The following RBFOX1 variants were observed in gnomAD, a reference collection of about 807,000 sequenced individuals.
RBFOX1 encodes the protein RNA binding protein fox-1 homolog 1.
A neutral mutation model predicts 57.7 loss-of-function variants in RBFOX1; 8 were observed. The ratio of observed to expected loss-of-function variants is 0.14; its 90% CI spans 0.08 to 0.25. RBFOX1 has a LOEUF of 0.25. Among genes scored for constraint, RBFOX1 ranks in the 10% least tolerant of loss-of-function variants. The pLI is 1.00. For synonymous variants in RBFOX1, 326 were observed against 222.4 expected (o/e 1.47, Z -4.15); for missense variants, 611 against 548.5 (o/e 1.11, Z -1.14).
chr16:5,857,904 A>C (rs1567634260), intron 3 of RBFOX1, among the ~76,000 whole-genome samples: 1 of 152,076 alleles, frequency 6.6e-6, no homozygotes, highest in South Asian at 2.1e-4. Flanking sequence ...CTGTGTTTGC[A>C]CTGCCGTACT....
chr16:5,767,902 C>G (rs561353366), intron 3 of RBFOX1, among the ~76,000 whole-genome samples: 1 of 152,096 alleles, frequency 6.6e-6, no homozygotes, highest in East Asian at 1.9e-4. Context: ...GTCTCATGAC[C>G]ATACTCTTCA....
At chr16:6,563,835 AAT>A (rs541520395) in intron 2 of RBFOX1, among the ~76,000 whole-genome samples, 2 of 151,204 alleles carry the variant, frequency 1.3e-5, no homozygotes, top group Non-Finnish European at 2.9e-5. Context: ...CCAAAAAAAA[AAT>A]ATATATATAT....
At chr16:6,291,216 T>TATCTC (rs2077436220) in intron 1 of RBFOX1, among the ~76,000 whole-genome samples, 1 of 152,128 alleles carries the variant, frequency 6.6e-6, no homozygotes, top group Non-Finnish European at 1.5e-5. Flanking sequence ...GCCAACCTCT[T>TATCTC]ATCTCAGCCT....
At chr16:6,011,692 A>G (rs2094962191) in intron 4 of RBFOX1, among the ~76,000 whole-genome samples, 1 of 152,172 alleles carries the variant, frequency 6.6e-6, no homozygotes, top group African/African-American at 2.4e-5. Flanking sequence ...CAGCAGCAGT[A>G]TGAAGCTTGC....
chr16:6,724,400 G>C (rs1005493193), intron 3 of RBFOX1, among the ~76,000 whole-genome samples: 3 of 151,894 alleles, frequency 2.0e-5, no homozygotes, highest in African/African-American at 7.3e-5. Flanking sequence ...AGTAGAGACA[G>C]GTTTCACCAT....
chr16:6,729,791 C>T (rs1413239325), intron 3 of RBFOX1, among the ~76,000 whole-genome samples: 1 of 152,058 alleles, frequency 6.6e-6, no homozygotes. Context: ...GAGTTTGTTT[C>T]TAGCATGTGC....
chr16:6,960,427 C>T (rs2082717728), intron 3 of RBFOX1, among the ~76,000 whole-genome samples: 1 of 152,130 alleles, frequency 6.6e-6, no homozygotes, highest in Non-Finnish European at 1.5e-5. Flanking sequence ...TCTCCCTGTA[C>T]CCGGTTACAG....
intron 4 of RBFOX1, among the ~76,000 whole-genome samples, chr16:7,136,787 A>G (rs2072132414): frequency 1.3e-5 from 2 of 152,180 alleles, no homozygotes; most frequent in Admixed American, 1.3e-4. Context: ...GTTAGTATTA[A>G]CCAGGGCATT....
intron 2 of RBFOX1, among the ~76,000 whole-genome samples, chr16:6,514,829 C>T (rs555476275): frequency 6.6e-6 from 1 of 151,888 alleles, no homozygotes; most frequent in Admixed American, 6.6e-5. Context: ...TGGATCCGCC[C>T]TCCCTTGTAG....
intron 14 of RBFOX1, among the ~76,000 whole-genome samples, chr16:7,681,138 C>G (rs1019883459): frequency 6.6e-6 from 1 of 152,092 alleles, no homozygotes; most frequent in African/African-American, 2.4e-5. Flanking sequence ...TTTTCAGGTT[C>G]ATAGAGGATT....
rs1567592389 is a variant in RBFOX1 at position 6,859,139 on chromosome 16, A to ATATATG, written c.-15-192918_-15-192917insTATATG. 1.3e-4 allele frequency among the ~76,000 whole-genome samples: 13 copies of ATATATG among 101,548 alleles called. 1 individual carries two copies. The highest frequency in any genetic ancestry group is 5.0e-4 in the African/African-American group (11 of 22,182). The allele number at this position is 101,548 out of a possible 152,430, so 66.6% of individuals were successfully genotyped here. A position where few individuals can be genotyped will look rare whatever the true frequency, so the allele number is the denominator to read the frequency against. The stretch of plus-strand genomic sequence containing the variant: ...TATATATATATATATACATATATAT[A>ATATATG]CGTATATATATATGTATATATATAC... On this transcript the variant is annotated intron_variant, in intron 3 of 15. Transcript: ENST00000550418.
chr16:7,004,268 G>T (rs577778671), intron 3 of RBFOX1, among the ~76,000 whole-genome samples: 4 of 151,994 alleles, frequency 2.6e-5, no homozygotes, highest in African/African-American at 9.7e-5. Context: ...TAAGAACAAC[G>T]CATTATATAT....
chr16:7,177,552 G>A (rs912236239), intron 4 of RBFOX1, among the ~76,000 whole-genome samples: 6 of 152,002 alleles, frequency 3.9e-5, no homozygotes, highest in African/African-American at 1.4e-4. Context: ...TCTACCTTGT[G>A]TCTTATTTTC....
chr16:6,799,640 C>T (rs573170998), intron 3 of RBFOX1, among the ~76,000 whole-genome samples: 13 of 152,228 alleles, frequency 8.5e-5, no homozygotes, highest in African/African-American at 2.2e-4. Flanking sequence ...AATCAGCTGC[C>T]AGTACAGCTC....
intron 9 of RBFOX1, among the ~76,000 whole-genome samples, chr16:7,598,003 C>G (rs1169536421): frequency 6.6e-6 from 1 of 152,280 alleles, no homozygotes; most frequent in South Asian, 2.1e-4. Flanking sequence ...CAGACCCCAT[C>G]AGGACAATGC....
At chr16:7,317,686 A>ACAGGAGTG (rs1331965064) in intron 4 of RBFOX1, among the ~76,000 whole-genome samples, 1 of 152,214 alleles carries the variant, frequency 6.6e-6, no homozygotes, top group Non-Finnish European at 1.5e-5. Context: ...CCACAGGAGT[A>ACAGGAGTG]CAGGAGTGAA....
chr16:6,749,870 C>T (rs7204975), intron 3 of RBFOX1, among the ~76,000 whole-genome samples: 20,771 of 152,198 alleles, frequency 0.14, 1,566 homozygotes, highest in South Asian at 0.24. Context: ...GCAGGAAACA[C>T]ATTTCTGAAA....
chr16:5,281,715 C>G (rs771173794), intron 1 of RBFOX1, among the ~76,000 whole-genome samples: 4 of 152,094 alleles, frequency 2.6e-5, no homozygotes, highest in Non-Finnish European at 5.9e-5. Flanking sequence ...TTGACTTAGT[C>G]TGTTTTATCT....
chr16:6,109,352 A>T (rs2096417624), intron 1 of RBFOX1, among the ~76,000 whole-genome samples: 1 of 152,202 alleles, frequency 6.6e-6, no homozygotes, highest in Admixed American at 6.5e-5. Flanking sequence ...TCAATTTTGA[A>T]ATGATCTGTG....
Sources: gnomAD v4.1 joint callset for allele counts (sites outside exome capture counted in the v4.1 genomes callset) on GRCh38, gnomAD v4.1.1 for gene constraint, MANE v1.5 for transcripts, NCBI Gene and HGNC (gene_info 2026-07-23, HGNC 2026-07-21) for gene names.